Variants in CPNE5 observed in about 807,000 individuals in gnomAD.
The protein encoded by CPNE5 is copine-5.
A neutral mutation model predicts 81.1 loss-of-function variants in CPNE5; 42 were observed. That is an observed-to-expected ratio of 0.52 (90% CI 0.40 to 0.67). The LOEUF is 0.67. Among genes scored for constraint, CPNE5 ranks in the 30% least tolerant of loss-of-function variants. The probability of loss-of-function intolerance (pLI) is 0.00; values close to 1 mark genes in which losing one functional copy is unlikely to be tolerated. For synonymous variants in CPNE5, 313 were observed against 321.5 expected (o/e 0.97, Z 0.28); for missense variants, 612 against 815.5 (o/e 0.75, Z 3.04).
intron 13 of CPNE5, chr6:36,754,564 G>A (rs1490541178): frequency 6.6e-6 from 1 of 152,216 alleles, no homozygotes; most frequent in Non-Finnish European, 1.5e-5. Context: ...CTGGGCGTCT[G>A]TATTTCAGCA....
intron 10 of CPNE5, among the ~76,000 whole-genome samples, chr6:36,765,846 A>C (rs59989137): frequency 0.016 from 2,385 of 151,360 alleles, 57 homozygotes; most frequent in African/African-American, 0.051. Flanking sequence ...CCTGCACGTC[A>C]GGGAGGAGCC....
intron 10 of CPNE5, among the ~76,000 whole-genome samples, chr6:36,771,005 TC>T (rs1490940770): frequency 6.6e-6 from 1 of 151,914 alleles, no homozygotes; most frequent in African/African-American, 2.4e-5. Context: ...CATTATCCCT[TC>T]CCCTCTTTCA....
intron 8 of CPNE5, among the ~76,000 whole-genome samples, chr6:36,783,378 T>TA (rs36056853): frequency 0.19 from 22,562 of 118,140 alleles, 2,132 homozygotes; most frequent in East Asian, 0.27. Context: ...GCAGTAAAAG[T>TA]AAAAAAAAAA....
chr6:36,822,045 C>T, intron 3 of CPNE5, 69 bp downstream of exon 3: 1 of 1,410,894 alleles, frequency 7.1e-7, no homozygotes, highest in Non-Finnish European at 9.6e-7. Flanking sequence ...GAAATTGCTC[C>T]CGAATTAGAG....
chr6:36,759,108 G>T (rs1372189425), intron 12 of CPNE5, among the ~76,000 whole-genome samples: 1 of 152,208 alleles, frequency 6.6e-6, no homozygotes, highest in East Asian at 1.9e-4. Context: ...CTCCCAGCTG[G>T]GGAGAATGAA....
intron 8 of CPNE5, among the ~76,000 whole-genome samples, chr6:36,783,711 G>C (rs912840086): frequency 2.0e-5 from 3 of 152,108 alleles, no homozygotes; most frequent in African/African-American, 7.2e-5. Flanking sequence ...ACAGGGTCTT[G>C]CTATGTTGCC....
chr6:36,787,623 C>T (rs937228957), intron 8 of CPNE5, among the ~76,000 whole-genome samples: 12 of 152,142 alleles, frequency 7.9e-5, no homozygotes, highest in South Asian at 6.2e-4. Flanking sequence ...TTCCATCTCT[C>T]ATACTAAATT....
chr6:36,748,368 G>T, intron 14 of CPNE5, 101 bp from the exon 15 acceptor site: 2 of 1,047,942 alleles, frequency 1.9e-6, no homozygotes, highest in Admixed American at 1.7e-5. Context: ...TCTGCTGCTT[G>T]CCAGGTGTGT....
intron 8 of CPNE5, among the ~76,000 whole-genome samples, chr6:36,790,806 G>C (rs1255990583): frequency 2.0e-5 from 3 of 152,124 alleles, no homozygotes; most frequent in Admixed American, 1.3e-4. Flanking sequence ...GCCTCCCAAA[G>C]TGCTGGGATT....
intron 1 of CPNE5, among the ~76,000 whole-genome samples, chr6:36,826,915 G>T (rs1181828118): frequency 3.3e-5 from 5 of 152,168 alleles, no homozygotes; most frequent in Non-Finnish European, 7.4e-5. Flanking sequence ...AGTAAAAATA[G>T]TTCAGGGCTG....
intron 8 of CPNE5, among the ~76,000 whole-genome samples, chr6:36,783,046 C>T (rs1768186452): frequency 6.6e-6 from 1 of 152,092 alleles, no homozygotes; most frequent in Admixed American, 6.6e-5. Flanking sequence ...ACATCCTGGT[C>T]CACAGTGCCT....
At chr6:36,827,872 A>ATT (rs67045154) in intron 1 of CPNE5, 22 of 287,214 alleles carry the variant, frequency 7.7e-5, no homozygotes, top group Non-Finnish European at 1.1e-4. Context: ...GGAAAAACGT[A>ATT]TTTTTTTTTT....
chr6:36,751,003 C>G (rs1764756537), intron 14 of CPNE5, among the ~76,000 whole-genome samples: 2 of 152,246 alleles, frequency 1.3e-5, no homozygotes, highest in Admixed American at 6.5e-5. Flanking sequence ...CCTCCTCTGA[C>G]AGTGGGGCCA....
chr6:36,821,351 C>G (rs1367766463), intron 3 of CPNE5, among the ~76,000 whole-genome samples: 1 of 151,874 alleles, frequency 6.6e-6, no homozygotes, highest in Non-Finnish European at 1.5e-5. Context: ...TGCTTTTGCA[C>G]GATGGGAGCC....
rs145231870 is a variant in CPNE5, at chr6:36,823,744, T to C, written c.96-646A>G. Among the ~76,000 whole-genome samples, 106 of 152,320 alleles carry C rather than the reference T, an allele frequency of 7.0e-4. 2 individuals are homozygous for C. The East Asian group carries it at 0.018, about 26-fold the overall frequency. Reference sequence around the variant, plus strand: ...TTCAACAGGTGCTAAGCTCCCCTTGTCCTGCCTCCATGCAATAAAGGCTCC... The same window carrying C: ...TTCAACAGGTGCTAAGCTCCCCTTGCCCTGCCTCCATGCAATAAAGGCTCC... On this transcript the variant is annotated intron_variant, in intron 1 of 20. Coordinates refer to ENST00000244751, the MANE Select transcript of CPNE5 (RefSeq NM_020939.2).
At chr6:36,771,496 T>A (rs944151617) in intron 10 of CPNE5, among the ~76,000 whole-genome samples, 2 of 152,188 alleles carry the variant, frequency 1.3e-5, no homozygotes, top group African/African-American at 4.8e-5. Flanking sequence ...ATAAAGCACT[T>A]AGAGCAGGGC....
chr6:36,833,799 ATGCCTGGACTTC>A (rs1467535245), intron 1 of CPNE5, among the ~76,000 whole-genome samples: 6 of 152,210 alleles, frequency 3.9e-5, no homozygotes, highest in Non-Finnish European at 8.8e-5. Context: ...ACTTTATGTC[ATGCCTGGACTTC>A]TAACCTACAG....
Position 36,839,196 on chromosome 6 carries a change from C to A in CPNE5, c.95+87G>T. 2.1e-6 allele frequency: 2 copies of A among 950,878 alleles called. No individual in the cohort carries two copies. Among genetic ancestry groups the A allele is most frequent in the Non-Finnish European group, 3.1e-6 (2 of 650,562 alleles). The allele number at this position is 950,878 out of a possible 1,614,324, so 58.9% of individuals were successfully genotyped here. ...ACCAGGACACTCTGGGAAGGGGGCGCGCGGAGGTTTAGGATCGAAGCGGCA... is the reference window on the plus strand; with the variant it reads ...ACCAGGACACTCTGGGAAGGGGGCGAGCGGAGGTTTAGGATCGAAGCGGCA... On this transcript the variant is annotated intron_variant, in intron 1 of 20. Coordinates refer to ENST00000244751, the MANE Select transcript of CPNE5 (RefSeq NM_020939.2). The surrounding 1 kb of genome is among the most constrained non-coding windows in gnomAD (Gnocchi z 7.3).
chr6:36,816,580 G>T (rs572723233), intron 3 of CPNE5, among the ~76,000 whole-genome samples: 1 of 152,318 alleles, frequency 6.6e-6, no homozygotes, highest in East Asian at 1.9e-4. Context: ...GAGGTGATTT[G>T]TTCCTGAAGG....
Sources: gnomAD v4.1 joint callset for allele counts (sites outside exome capture counted in the v4.1 genomes callset) on GRCh38, gnomAD v4.1.1 for gene constraint, Gnocchi (gnomAD v3.1) non-coding constraint, MANE v1.5 for transcripts, NCBI Gene and HGNC (gene_info 2026-07-23, HGNC 2026-07-21) for gene names.